Variants in DNAI1 observed in about 807,000 individuals in gnomAD.
DNAI1 encodes the protein dynein, axonemal, intermediate polypeptide 1.
DNAI1 carries 67 observed loss-of-function variants against 92.0 expected under a neutral mutation model. The ratio of observed to expected loss-of-function variants is 0.73; its 90% CI spans 0.60 to 0.89. The LOEUF (loss-of-function observed/expected upper bound fraction) is 0.89, where lower values mean the gene tolerates loss of function less well. DNAI1 is among the 40% of genes least tolerant of loss of function. DNAI1 has a pLI of 0.00. For missense variants in DNAI1, 839 were observed against 866.6 expected, an observed-to-expected ratio of 0.97 and a Z score of 0.40; for synonymous variants, 323 against 319.6, an observed-to-expected ratio of 1.01 and a Z score of -0.11.
chr9:34,513,628 GTGAACGT>G (rs935853063), intron 16 of DNAI1, among the ~76,000 whole-genome samples: 4 of 152,190 alleles, frequency 2.6e-5, no homozygotes, highest in Non-Finnish European at 5.9e-5. Context: ...GTGGTAGTAG[GTGAACGT>G]CCTTCTGAAC....
In DNAI1 at chr9:34,475,207, G is replaced by A. The variant is rs577623636; in HGVS notation, c.49-8241G>A. Among the ~76,000 whole-genome samples the A allele has an allele frequency of 5.3e-5, 8 of 152,286 alleles. No homozygotes were observed. In the East Asian group the frequency reaches 9.6e-4, roughly 18 times the overall value. On this transcript the variant is annotated intron_variant, in intron 1 of 19. Coordinates refer to ENST00000242317, the MANE Select transcript of DNAI1 (RefSeq NM_012144.4). ...TAAGAGCTTTTAACCTTTTAGAAAC[G>A]GAAACGGCAAGCTGGTGAGGTATTT...
At chr9:34,476,506 G>A (rs562466189) in intron 1 of DNAI1, among the ~76,000 whole-genome samples, 13 of 152,296 alleles carry the variant, frequency 8.5e-5, no homozygotes, top group African/African-American at 2.4e-4. Context: ...TAGGAGGGGT[G>A]TTAACTTAAA....
At chr9:34,520,241 C>T (rs1449424089) in intron 19 of DNAI1, among the ~76,000 whole-genome samples, 1 of 152,184 alleles carries the variant, frequency 6.6e-6, no homozygotes, top group East Asian at 1.9e-4. Context: ...CCTCCCCAAA[C>T]ACATACCCAT....
At chr9:34,469,780 A>G (rs967301733) in intron 1 of DNAI1, among the ~76,000 whole-genome samples, 4 of 152,080 alleles carry the variant, frequency 2.6e-5, no homozygotes, top group African/African-American at 9.7e-5. Flanking sequence ...GCGTTTCACT[A>G]TGTTGGCCAG....
chr9:34,508,217 G>A (rs1408285924), intron 13 of DNAI1, among the ~76,000 whole-genome samples: 2 of 152,190 alleles, frequency 1.3e-5, no homozygotes, highest in East Asian at 3.9e-4. Context: ...TGCCTCTTAT[G>A]GCCCTGAGCT....
chr9:34,498,973 C>T (rs1824775747), intron 10 of DNAI1, among the ~76,000 whole-genome samples: 1 of 152,230 alleles, frequency 6.6e-6, no homozygotes, highest in Non-Finnish European at 1.5e-5. Flanking sequence ...CACCAAAGGG[C>T]TGCAAACCTG....
chr9:34,497,270 T>A, intron 10 of DNAI1, 71 bp downstream of exon 10: 2 of 1,240,442 alleles, frequency 1.6e-6, no homozygotes, highest in Non-Finnish European at 2.4e-6. Flanking sequence ...CTTGGGTTAT[T>A]TGGGTGTCTC....
intron 19 of DNAI1, among the ~76,000 whole-genome samples, chr9:34,519,866 C>T (rs1238599384): frequency 6.6e-6 from 1 of 152,194 alleles, no homozygotes; most frequent in Non-Finnish European, 1.5e-5. Context: ...AGCCCTCACC[C>T]CCCTGCCTGG....
chr9:34,475,264 G>T (rs1236653401), intron 1 of DNAI1, among the ~76,000 whole-genome samples: 1 of 152,184 alleles, frequency 6.6e-6, no homozygotes, highest in Non-Finnish European at 1.5e-5. Context: ...AAACCTGTTA[G>T]TGAGTTTTAA....
At chr9:34,504,636 G>A (rs10511917) in intron 12 of DNAI1, among the ~76,000 whole-genome samples, 29,773 of 152,152 alleles carry the variant, frequency 0.2, 3,451 homozygotes, top group African/African-American at 0.33. Context: ...CTGTCTCTAA[G>A]GCCTTGCTCT....
In DNAI1 at chr9:34,512,228, G is replaced by C. The variant is rs554463665; in HGVS notation, c.1401+30G>C. The C allele has an allele frequency of 1.3e-4, 206 of 1,613,016 alleles. 2 individuals carry two copies. In the South Asian group the frequency reaches 2.1e-3, roughly 17 times the overall value. On this transcript the variant is annotated intron_variant, in intron 14 of 19. Transcript: ENST00000242317. Reference sequence around the variant, plus strand: ...CTATTTCCCAGAGAGGGTCACACTGGGGTGATTGGGGAGGCAGGGAGCTAA... The same window carrying C: ...CTATTTCCCAGAGAGGGTCACACTGCGGTGATTGGGGAGGCAGGGAGCTAA...
At chr9:34,468,850 G>GA (rs1234684470) in intron 1 of DNAI1, among the ~76,000 whole-genome samples, 2 of 150,674 alleles carry the variant, frequency 1.3e-5, no homozygotes, top group African/African-American at 2.4e-5. Context: ...AAAAGAAAAA[G>GA]AAAAAACAGG....
At chr9:34,472,544 T>G (rs1391762674) in intron 1 of DNAI1, among the ~76,000 whole-genome samples, 1 of 152,192 alleles carries the variant, frequency 6.6e-6, no homozygotes, top group African/African-American at 2.4e-5. Flanking sequence ...AAAGAAAAAT[T>G]TATCATGTTG....
At chr9:34,477,040 G>A (rs1055412170) in intron 1 of DNAI1, among the ~76,000 whole-genome samples, 1 of 152,070 alleles carries the variant, frequency 6.6e-6, no homozygotes, top group African/African-American at 2.4e-5. Context: ...TTTTGAGACA[G>A]GGTCTCGCTA....
rs888966471 is a variant in DNAI1 at position 34,491,544 on chromosome 9, C to G, written c.671C>G (p.Thr224Arg). Residue 224 changes from threonine (T) to arginine (R), a missense_variant, in exon 8 of 20, where the codon ACA (threonine) becomes AGA (arginine). Transcript: ENST00000242317. Reference protein sequence around the residue: ...EPPPRTNFSATANQWEIYDAY... With the variant: ...EPPPRTNFSARANQWEIYDAY... ...CCTCCCAGGACAAACTTTTCAGCCA[C>G]AGCCAATCAGGTAAGACCCTGGGCC... 3 of 1,614,212 alleles carry G rather than the reference C, an allele frequency of 1.9e-6. No individual in the cohort carries two copies. The highest frequency in any genetic ancestry group is 2.5e-6 in the Non-Finnish European group (3 of 1,180,046).
At position 34,464,241 on chromosome 9, in the gene DNAI1, C is replaced by T. The variant is rs1389790698; in HGVS notation, c.48+5188C>T. On this transcript the variant is annotated intron_variant, in intron 1 of 19. Coordinates refer to ENST00000242317, the MANE Select transcript of DNAI1 (RefSeq NM_012144.4). The stretch of plus-strand genomic sequence containing the variant: ...CTGCATGAAAAGTGATCTTTTCAAA[C>T]TGTCAATCTGATTGTGCCATCCCCC... Among the ~76,000 whole-genome samples, 6 of 152,100 alleles carry T rather than the reference C, an allele frequency of 3.9e-5. No homozygotes were observed. The East Asian group carries it at 1.2e-3, about 29-fold the overall frequency.
At chr9:34,466,269 G>A (rs1824036698) in intron 1 of DNAI1, among the ~76,000 whole-genome samples, 1 of 152,076 alleles carries the variant, frequency 6.6e-6, no homozygotes. Context: ...AATTATGTAG[G>A]GACCCTACCC....
intron 7 of DNAI1, among the ~76,000 whole-genome samples, chr9:34,491,117 T>C (rs1488337567): frequency 6.6e-6 from 1 of 152,168 alleles, no homozygotes; most frequent in Non-Finnish European, 1.5e-5. Context: ...CCAGAGACCC[T>C]CATATTAGAG....
In DNAI1 at chr9:34,514,424, G is replaced by A. The variant is rs779968040; in HGVS notation, c.1600G>A (p.Asp534Asn). ...TAAATCCTACTCCAGCCAATTCCTCGACACCTATGACGCCCACAACATGTC... is the reference window on the plus strand; with the variant it reads ...TAAATCCTACTCCAGCCAATTCCTCAACACCTATGACGCCCACAACATGTC... ...CSKSYSSQFL[D>N]TYDAHNMSVD... The change falls in exon 17 of 20, where the codon GAC (aspartate) becomes AAC (asparagine). Residue 534 changes from aspartate to asparagine, a missense_variant. By Grantham distance (23) the Asp-to-Asn change is conservative (BLOSUM62 1). Coordinates refer to ENST00000242317, the MANE Select transcript of DNAI1 (RefSeq NM_012144.4). 1.4e-5 allele frequency: 23 copies of A among 1,613,974 alleles called. No homozygotes were observed. Among genetic ancestry groups the A allele is most frequent in the African/African-American group, 1.3e-4 (10 of 74,880 alleles).
Sources: allele counts gnomAD v4.1 joint callset (sites outside exome capture counted in the v4.1 genomes callset), GRCh38; gene constraint gnomAD v4.1.1; transcripts MANE v1.5; gene names NCBI Gene and HGNC (gene_info 2026-07-23, HGNC 2026-07-21).